MYOM1: variants seen among roughly 807,000 people sequenced by gnomAD.
The protein encoded by MYOM1 is myomesin-1.
A neutral mutation model predicts 205.3 loss-of-function variants in MYOM1; 164 were observed. The observed-to-expected ratio is 0.80, with a 90% CI of 0.70 to 0.91. The LOEUF is 0.91. Among genes scored for constraint, MYOM1 ranks in the 40% least tolerant of loss-of-function variants. MYOM1 has a pLI of 0.00. For missense variants in MYOM1, 2,011 were observed against 2,127.3 expected, an observed-to-expected ratio of 0.95 and a Z score of 1.08; for synonymous variants, 772 against 789.4, an observed-to-expected ratio of 0.98 and a Z score of 0.37.
chr18:3,177,441 ATATCAT>A lies in MYOM1; in HGVS notation c.930-1313_930-1308del, dbSNP rs1202152404. ...ACATTCTTGCATGTTGTTAGAAGCA[ATATCAT>A]TATTATTATTATTATTATTATTATT... On this transcript the variant is annotated intron_variant, in intron 5 of 37. Transcript: ENST00000356443. Among the ~76,000 whole-genome samples the A allele has an allele frequency of 2.6e-3, 300 of 117,250 alleles. 1 individual carries two copies. The highest frequency in any genetic ancestry group is 9.6e-3 in the African/African-American group (292 of 30,476). The allele number at this position is 117,250 out of a possible 152,430, so 76.9% of individuals were successfully genotyped here. A position where few individuals can be genotyped will look rare whatever the true frequency, so the allele number is the denominator to read the frequency against.
the MYOM1 span, among the ~76,000 whole-genome samples, chr18:3,233,781 C>A: frequency 6.6e-6 from 1 of 152,180 alleles, no homozygotes; most frequent in Admixed American, 6.5e-5. Context: ...CTGGTAGAGG[C>A]ACTGATTTCA....
chr18:3,188,821 T>A lies in MYOM1; in HGVS notation c.698A>T (p.Glu233Val). ...CCTTGACTTCTTTTCAGAAGTTTCTTCCTGTTGAAGAGCGGATGTGGCCTG... is the reference window on the plus strand; with the variant it reads ...CCTTGACTTCTTTTCAGAAGTTTCTACCTGTTGAAGAGCGGATGTGGCCTG... ...SKQATSALQQ[E>V]ETSEKKSRKV... Residue 233 changes from glutamate (E) to valine (V), a missense_variant, in exon 4 of 38, where the codon GAA becomes GTA. Transcript: ENST00000356443. 1.9e-6 allele frequency: 3 copies of A among 1,610,600 alleles called. No homozygotes were observed. The highest frequency in any genetic ancestry group is 2.2e-5 in the South Asian group (2 of 90,954).
rs1598726843 is a variant in MYOM1 at position 3,152,662 on chromosome 18, A to G, written c.1644-769T>C. On this transcript the variant is annotated intron_variant, in intron 11 of 37. Coordinates refer to ENST00000356443, the MANE Select transcript of MYOM1 (RefSeq NM_003803.4). The surrounding 1 kb of genome is among the most constrained non-coding windows in gnomAD (Gnocchi z 4.3). ...GGGGTTCAACATGTGATTAAATTTT[A>G]CAGATTAGGATTAAGCAGCTCTTAC... Among the ~76,000 whole-genome samples the G allele has an allele frequency of 6.6e-6, 1 of 151,366 alleles. No homozygotes were observed. The highest frequency in any genetic ancestry group is 2.0e-4 in the East Asian group (1 of 5,118).
chr18:3,245,708 G>T, the MYOM1 span, among the ~76,000 whole-genome samples: 1 of 152,158 alleles, frequency 6.6e-6, no homozygotes, highest in Non-Finnish European at 1.5e-5. Context: ...CAGACAATCA[G>T]GCATGCTGCT....
intron 2 of MYOM1, among the ~76,000 whole-genome samples, chr18:3,201,124 C>G (rs1482377290): frequency 2.0e-5 from 3 of 152,108 alleles, no homozygotes; most frequent in African/African-American, 7.2e-5. Flanking sequence ...TCTGGCCGGG[C>G]GCAGTGGCTC....
intron 17 of MYOM1, 158 bp from the exon 18 acceptor site, chr18:3,129,677 G>A (rs2079848040): frequency 1.5e-6 from 1 of 674,776 alleles, no homozygotes; most frequent in South Asian, 2.8e-5. Context: ...AATATGGAAA[G>A]ACTACATTTC....
At chr18:3,233,024 G>A in the MYOM1 span, among the ~76,000 whole-genome samples, 2 of 152,164 alleles carry the variant, frequency 1.3e-5, no homozygotes, top group African/African-American at 4.8e-5. Context: ...ATAATGGAAA[G>A]AGCATATAAT....
At chr18:3,154,365 T>G (rs909467440) in intron 11 of MYOM1, among the ~76,000 whole-genome samples, 4 of 152,028 alleles carry the variant, frequency 2.6e-5, no homozygotes, top group Non-Finnish European at 5.9e-5. Flanking sequence ...CAGCTCATGT[T>G]ACTAATTTGG....
intron 2 of MYOM1, among the ~76,000 whole-genome samples, chr18:3,194,559 G>C (rs6417011): frequency 0.62 from 93,603 of 152,106 alleles, 31,462 homozygotes; most frequent in African/African-American, 0.91. Context: ...CTGGCTTCCT[G>C]TGCACACTGG....
At chr18:3,235,399 A>G in the MYOM1 span, among the ~76,000 whole-genome samples, 1 of 152,134 alleles carries the variant, frequency 6.6e-6, no homozygotes. Flanking sequence ...CCATACTATT[A>G]CTAGAGTGCT....
In MYOM1 at chr18:3,085,131, A is replaced by C. The variant is rs751342049; in HGVS notation, c.4253T>G (p.Phe1418Cys). The C allele has an allele frequency of 6.2e-7, 1 of 1,603,472 alleles. No homozygotes were observed. Among genetic ancestry groups the C allele is most frequent in the Admixed American group, 1.7e-5 (1 of 58,538 alleles). Residue 1418 changes from phenylalanine to cysteine, a missense_variant and splice_region_variant, in exon 31 of 38, where the codon TTT becomes TGT. By Grantham distance (205) the Phe-to-Cys change is radical (BLOSUM62 -2). Transcript: ENST00000356443. ...ATAAATCCCAGCATCTTTCTTGGAAAACTAAGGGGGAATAGATATACCACA... is the reference window on the plus strand; with the variant it reads ...ATAAATCCCAGCATCTTTCTTGGAACACTAAGGGGGAATAGATATACCACA... ...DGICTLLITEFSKKDAGIYEV... is the reference protein window; with the variant it reads ...DGICTLLITECSKKDAGIYEV...
chr18:3,193,102 C>T (rs746080067), intron 3 of MYOM1, among the ~76,000 whole-genome samples: 3 of 151,790 alleles, frequency 2.0e-5, no homozygotes, highest in African/African-American at 4.8e-5. Context: ...GACCCCATCA[C>T]TACACATAAT....
Position 3,194,119 on chromosome 18 carries a change from AT to A in MYOM1, c.291-162del, listed in dbSNP as rs551187647. On this transcript the variant is annotated intron_variant, in intron 2 of 37. Coordinates refer to ENST00000356443, the MANE Select transcript of MYOM1 (RefSeq NM_003803.4). ...TTAGAATTAAAGTAGAGTTAGAAAGATTTCAAATAATGGATTCTATATAGAC... is the reference window on the plus strand; with the variant it reads ...TTAGAATTAAAGTAGAGTTAGAAAGATTCAAATAATGGATTCTATATAGAC... Among the ~76,000 whole-genome samples the A allele has an allele frequency of 1.1e-3, 160 of 152,366 alleles. 2 individuals carry two copies. The South Asian group carries it at 0.016, about 15-fold the overall frequency.
chr18:3,085,155 C>T (rs1284234293), intron 30 of MYOM1, 23 bp from the exon 31 acceptor site: 1 of 1,501,098 alleles, frequency 6.7e-7, no homozygotes, highest in Non-Finnish European at 9.0e-7. Context: ...AGATATACCA[C>T]ATTGCACCTT....
chr18:3,149,259 G>T, intron 12 of MYOM1, 58 bp from the exon 13 acceptor site: 2 of 1,426,854 alleles, frequency 1.4e-6, no homozygotes, highest in African/African-American at 1.4e-5. Flanking sequence ...TTTATCAGCT[G>T]CACTGATGAA....
At chr18:3,174,527 G>C (rs976164305) in intron 6 of MYOM1, among the ~76,000 whole-genome samples, 1 of 152,148 alleles carries the variant, frequency 6.6e-6, no homozygotes, top group African/African-American at 2.4e-5. Context: ...ATAAATTATA[G>C]AGTGAACAGC....
At chr18:3,105,953 A>G (rs2079446506) in intron 22 of MYOM1, among the ~76,000 whole-genome samples, 1 of 152,226 alleles carries the variant, frequency 6.6e-6, no homozygotes, top group South Asian at 2.1e-4. Flanking sequence ...TTGGTCCTTC[A>G]TATCTATGGG....
At chr18:3,074,834 G>A (rs542504557) in intron 36 of MYOM1, among the ~76,000 whole-genome samples, 4 of 152,176 alleles carry the variant, frequency 2.6e-5, no homozygotes, top group East Asian at 3.9e-4. Context: ...TTTTTGAGAC[G>A]GAGTCTTGCT....
At chr18:3,094,342 G>A (rs1715033226) in intron 25 of MYOM1, 36 bp from the exon 26 acceptor site, 2 of 1,518,096 alleles carry the variant, frequency 1.3e-6, no homozygotes, top group Non-Finnish European at 1.8e-6. Context: ...TAATTATATT[G>A]GTAACCAATT....
Sources: allele counts gnomAD v4.1 joint callset (sites outside exome capture counted in the v4.1 genomes callset), GRCh38; gene constraint gnomAD v4.1.1; non-coding constraint Gnocchi (gnomAD v3.1); transcripts MANE v1.5; gene names NCBI Gene and HGNC (gene_info 2026-07-23, HGNC 2026-07-21).